The following ICAM1 variants were observed in gnomAD, a reference collection of about 807,000 sequenced individuals.
ICAM1 encodes ICAM-1.
Under a neutral mutation model 42.3 loss-of-function variants are expected in ICAM1, and 28 were observed. The ratio of observed to expected loss-of-function variants is 0.66; its 90% confidence interval spans 0.49 to 0.91. The LOEUF is 0.91. ICAM1 is among the 40% of genes least tolerant of loss of function. ICAM1 has a pLI of 0.00. For missense variants in ICAM1, 637 were observed against 688.6 expected (o/e 0.93, Z 0.84); for synonymous variants, 304 against 305.9 (o/e 0.99, Z 0.07).
At chr19:10,271,833 T>A (rs2145486708) in intron 1 of ICAM1, among the ~76,000 whole-genome samples, 1 of 152,060 alleles carries the variant, frequency 6.6e-6, no homozygotes, top group East Asian at 1.9e-4. Context: ...AGCTGACTTA[T>A]CCGTGGCCCA....
intron 1 of ICAM1, among the ~76,000 whole-genome samples, chr19:10,272,468 G>A (rs1224826766): frequency 2.6e-5 from 4 of 152,046 alleles, no homozygotes; most frequent in South Asian, 2.1e-4. Context: ...GAGTGAGGCA[G>A]TGCTGGGCTC....
At position 10,271,156 on chromosome 19, in the gene ICAM1, C is replaced by T. The variant is rs36086415; in HGVS notation, c.-4C>T. ...CTACTCAGAGTTGCAACCTCAGCCT[C>T]GCTATGGCTCCCAGCAGCCCCCGGC... is the stretch of plus-strand genomic sequence containing the variant. On this transcript the variant is annotated 5_prime_UTR_variant, in exon 1 of 7. Coordinates refer to ENST00000264832, the MANE Select transcript of ICAM1 (RefSeq NM_000201.3). The T allele has an allele frequency of 5.0e-6, 8 of 1,612,516 alleles. No individual in the cohort carries two copies. The highest frequency in any genetic ancestry group is 6.8e-6 in the Non-Finnish European group (8 of 1,179,708).
rs771104368 is a variant in ICAM1, at chr19:10,285,134, C to T, written c.1446C>T (p.Val482=). The change falls in exon 7 of 7, where the codon GTC becomes GTT. Residue 482 remains valine, a synonymous_variant. Coordinates refer to ENST00000264832, the MANE Select transcript of ICAM1 (RefSeq NM_000201.3). ...VNVLSPRYEI[V]IITVVAAAVI... ...CCACAGCCCCCCGGTATGAGATTGTCATCATCACTGTGGTAGCAGCCGCAG... is the reference window on the plus strand; with the variant it reads ...CCACAGCCCCCCGGTATGAGATTGTTATCATCACTGTGGTAGCAGCCGCAG... 2.1e-5 allele frequency: 34 copies of T among 1,614,032 alleles called. No individual in the cohort carries two copies. Among genetic ancestry groups the T allele is most frequent in the Middle Eastern group, 1.6e-4 (1 of 6,080 alleles).
At chr19:10,272,318 C>T (rs2145487136) in intron 1 of ICAM1, among the ~76,000 whole-genome samples, 1 of 152,224 alleles carries the variant, frequency 6.6e-6, no homozygotes, top group African/African-American at 2.4e-5. Flanking sequence ...GACTCAGACC[C>T]AGATCGCACT....
rs768526637 is a variant in ICAM1, at chr19:10,285,251, C to T, written c.1563C>T (p.Thr521=). The T allele has an allele frequency of 1.9e-6, 3 of 1,614,188 alleles. No homozygotes were observed. Among genetic ancestry groups the T allele is most frequent in the Non-Finnish European group, 1.7e-6 (2 of 1,180,032 alleles). Residue 521 remains threonine (T), a synonymous_variant, in exon 7 of 7, where the codon ACC becomes ACT. Coordinates refer to ENST00000264832, the MANE Select transcript of ICAM1 (RefSeq NM_000201.3). ...KYRLQQAQKG[T]PMKPNTQATP... is the part of the protein sequence containing the mutation. Reference sequence around the variant, plus strand: ...GACTACAACAGGCCCAAAAAGGGACCCCCATGAAACCGAACACACAAGCCA... The same window carrying T: ...GACTACAACAGGCCCAAAAAGGGACTCCCATGAAACCGAACACACAAGCCA...
intron 2 of ICAM1, among the ~76,000 whole-genome samples, chr19:10,275,921 G>A (rs2040013425): frequency 6.6e-6 from 1 of 151,406 alleles, no homozygotes; most frequent in African/African-American, 2.4e-5. Context: ...TGTTAGCCAG[G>A]ATGGTCTCAA....
intron 2 of ICAM1, among the ~76,000 whole-genome samples, chr19:10,279,221 A>G (rs2040038307): frequency 6.6e-6 from 1 of 151,884 alleles, no homozygotes; most frequent in African/African-American, 2.4e-5. Context: ...GCAGGGAGAA[A>G]TCTTGATGGA....
chr19:10,285,365 C>A lies in ICAM1; in HGVS notation c.*78C>A. On this transcript the variant is annotated 3_prime_UTR_variant, in exon 7 of 7. Coordinates refer to ENST00000264832, the MANE Select transcript of ICAM1 (RefSeq NM_000201.3). Reference sequence around the variant, plus strand: ...GTGCCACACTGAACAGAGTGGAAGACATATGCCATGCAGCTACACCTACCG... The same window carrying A: ...GTGCCACACTGAACAGAGTGGAAGAAATATGCCATGCAGCTACACCTACCG... 1.4e-6 allele frequency: 2 copies of A among 1,398,114 alleles called. No homozygotes were observed. The highest frequency in any genetic ancestry group is 1.3e-5 in the South Asian group (1 of 77,848). 86.6% of individuals were successfully genotyped at this position (1,398,114 alleles called of 1,614,324 possible). A position where few individuals can be genotyped will look rare whatever the true frequency, so the allele number is the denominator to read the frequency against.
At chr19:10,272,103 TG>T (rs1322134886) in intron 1 of ICAM1, among the ~76,000 whole-genome samples, 1 of 152,062 alleles carries the variant, frequency 6.6e-6, no homozygotes, top group African/African-American at 2.4e-5. Flanking sequence ...CTGGCCAACA[TG>T]GCAACATCCC....
In ICAM1 at chr19:10,283,767, C is replaced by G. The variant is rs2040079974; in HGVS notation, c.618C>G (p.Pro206=). 6.2e-7 allele frequency: 1 copy of G among 1,607,872 alleles called. No homozygotes were observed. Among genetic ancestry groups the G allele is most frequent in the South Asian group, 1.1e-5 (1 of 90,622 alleles). Residue 206 remains proline, a synonymous_variant, in exon 3 of 7, where the codon CCC becomes CCG. Transcript: ENST00000264832. The part of the protein sequence containing the change: ...GLELFENTSA[P]YQLQTFVLPA... ...AGCTGTTTGAGAACACCTCGGCCCC[C>G]TACCAGCTCCAGACCTTTGGTGAGG...
Position 10,285,252 on chromosome 19 carries a change from C to T in ICAM1, c.1564C>T (p.Pro522Ser), listed in dbSNP as rs201409559. The T allele has an allele frequency of 6.2e-7, 1 of 1,614,176 alleles. No individual in the cohort carries two copies. Among genetic ancestry groups the T allele is most frequent in the East Asian group, 2.2e-5 (1 of 44,882 alleles). Reference sequence around the variant, plus strand: ...ACTACAACAGGCCCAAAAAGGGACCCCCATGAAACCGAACACACAAGCCAC... The same window carrying T: ...ACTACAACAGGCCCAAAAAGGGACCTCCATGAAACCGAACACACAAGCCAC... ...YRLQQAQKGT[P>S]MKPNTQATPP The change falls in exon 7 of 7, where the codon CCC (proline) becomes TCC (serine). Residue 522 changes from proline to serine, a missense_variant. Coordinates refer to ENST00000264832, the MANE Select transcript of ICAM1 (RefSeq NM_000201.3).
chr19:10,283,569 G>C lies in ICAM1; in HGVS notation c.420G>C (p.Gly140=), dbSNP rs770813840. The change falls in exon 3 of 7, where the codon GGG becomes GGC. Residue 140 remains glycine, a synonymous_variant. Coordinates refer to ENST00000264832, the MANE Select transcript of ICAM1 (RefSeq NM_000201.3). ...CCCTACGCTGCCAGGTGGAGGGTGGGGCACCCCGGGCCAACCTCACCGTGG... is the reference window on the plus strand; with the variant it reads ...CCCTACGCTGCCAGGTGGAGGGTGGCGCACCCCGGGCCAACCTCACCGTGG... ...NLTLRCQVEG[G]APRANLTVVL... 1.2e-6 allele frequency: 2 copies of C among 1,613,312 alleles called. No homozygotes were observed. The highest frequency in any genetic ancestry group is 2.2e-5 in the South Asian group (2 of 91,050).
chr19:10,284,148 C>T lies in ICAM1; in HGVS notation c.753C>T (p.His251=), dbSNP rs930526340. The change falls in exon 4 of 7, where the codon CAC becomes CAT. Residue 251 remains histidine (H), a synonymous_variant. Transcript: ENST00000264832. The surrounding 1 kb of genome is among the most constrained non-coding windows in gnomAD (Gnocchi z 5.4). ...TCCCAGTCTCGGAGGCCCAGGTCCA[C>T]CTGGCACTGGGGGACCAGAGGTTGA... The part of the protein sequence containing the change: ...GLFPVSEAQV[H]LALGDQRLNP... 3.1e-6 allele frequency: 5 copies of T among 1,614,104 alleles called. No homozygotes were observed. The highest frequency in any genetic ancestry group is 1.6e-4 in the Middle Eastern group (1 of 6,062).
chr19:10,271,749 A>G (rs1277499809), intron 1 of ICAM1, among the ~76,000 whole-genome samples: 1 of 151,984 alleles, frequency 6.6e-6, no homozygotes, highest in Non-Finnish European at 1.5e-5. Context: ...ACCCCCCTCA[A>G]GATGTATATT....
intron 2 of ICAM1, among the ~76,000 whole-genome samples, chr19:10,279,435 T>C (rs979229750): frequency 6.6e-6 from 1 of 152,124 alleles, no homozygotes; most frequent in Admixed American, 6.6e-5. Context: ...TCAACTACTC[T>C]GGAGGCTCAA....
At chr19:10,272,027 A>G (rs1461738199) in intron 1 of ICAM1, among the ~76,000 whole-genome samples, 2 of 152,274 alleles carry the variant, frequency 1.3e-5, no homozygotes, top group Middle Eastern at 3.4e-3. Context: ...AGTTCATGCC[A>G]GTAATCCCAA....
chr19:10,285,574 G>A lies in ICAM1; in HGVS notation c.*287G>A, dbSNP rs1420071702. ...ATGTTAAAGTCTAGCCTGATGAGAG[G>A]GGAAGTGGTGGGGGAGACATAGCCC... On this transcript the variant is annotated 3_prime_UTR_variant, in exon 7 of 7. Transcript: ENST00000264832. The A allele has an allele frequency of 8.1e-6, 3 of 371,332 alleles. No individual in the cohort carries two copies. Among genetic ancestry groups the A allele is most frequent in the Non-Finnish European group, 1.5e-5 (3 of 202,732 alleles). The allele number at this position is 371,332 out of a possible 1,614,324, so 23.0% of individuals were successfully genotyped here.
chr19:10,276,322 G>A (rs866938778), intron 2 of ICAM1, among the ~76,000 whole-genome samples: 84 of 151,772 alleles, frequency 5.5e-4, no homozygotes, highest in African/African-American at 1.9e-3. Flanking sequence ...GAGGCGGGCG[G>A]ATCACAAGGT....
intron 1 of ICAM1, among the ~76,000 whole-genome samples, chr19:10,271,695 G>C (rs1479170050): frequency 6.6e-6 from 1 of 152,174 alleles, no homozygotes; most frequent in Non-Finnish European, 1.5e-5. Context: ...TGATGGTTTG[G>C]GAACTTGGCT....
Sources: gnomAD v4.1 joint callset for allele counts (sites outside exome capture counted in the v4.1 genomes callset) on GRCh38, gnomAD v4.1.1 for gene constraint, Gnocchi (gnomAD v3.1) non-coding constraint, MANE v1.5 for transcripts, NCBI Gene and HGNC (gene_info 2026-07-23, HGNC 2026-07-21) for gene names.